Variants in DNAI4 observed in about 807,000 individuals in gnomAD.
The protein encoded by DNAI4 is dynein axonemal intermediate chain 4.
In DNAI4, 85 loss-of-function variants were observed where a neutral mutation model predicts 105.8. The ratio of observed to expected loss-of-function variants is 0.80; its 90% CI spans 0.67 to 0.96. The LOEUF is 0.96. Ranked by LOEUF, DNAI4 falls within the 40% of genes least tolerant of loss-of-function variation. DNAI4 has a pLI of 0.00. For synonymous variants in DNAI4, 352 were observed against 331.5 expected, an observed-to-expected ratio of 1.06 and a Z score of -0.67; for missense variants, 1,014 against 1,005.6, an observed-to-expected ratio of 1.01 and a Z score of -0.11.
At chr1:66,864,732 T>C (rs1447030217) in intron 6 of DNAI4, among the ~76,000 whole-genome samples, 1 of 152,044 alleles carries the variant, frequency 6.6e-6, no homozygotes, top group Non-Finnish European at 1.5e-5. Flanking sequence ...ACCCAGCTAC[T>C]CCGGAGGCTG....
intron 7 of DNAI4, chr1:66,860,989 C>T (rs1272504354): frequency 6.6e-6 from 1 of 152,058 alleles, no homozygotes; most frequent in East Asian, 1.9e-4. Flanking sequence ...CTCTAGTTTA[C>T]ATGACCATAA....
At chr1:66,893,059 G>GAA (rs780472953) in intron 3 of DNAI4, among the ~76,000 whole-genome samples, 170 bp downstream of exon 3, 4 of 56,498 alleles carry the variant, frequency 7.1e-5, no homozygotes, top group South Asian at 5.4e-4. Context: ...AAGAAAGAGA[G>GAA]AGAGAGAAAG....
chr1:66,858,717 T>A (rs144458042), intron 7 of DNAI4, among the ~76,000 whole-genome samples: 1 of 151,994 alleles, frequency 6.6e-6, no homozygotes, highest in East Asian at 1.9e-4. Context: ...GAAAAATACA[T>A]CAATAGACAC....
chr1:66,819,208 T>G (rs1239229707), intron 16 of DNAI4, among the ~76,000 whole-genome samples: 1 of 152,192 alleles, frequency 6.6e-6, no homozygotes, highest in Non-Finnish European at 1.5e-5. Flanking sequence ...TTCCAATTCC[T>G]TATCTTTGCT....
chr1:66,909,511 G>A (rs1053746049), intron 1 of DNAI4, among the ~76,000 whole-genome samples: 7 of 147,902 alleles, frequency 4.7e-5, no homozygotes, highest in East Asian at 2.0e-4. Flanking sequence ...AACTTGGATC[G>A]TAGGACACTC....
intron 4 of DNAI4, among the ~76,000 whole-genome samples, chr1:66,877,892 T>G (rs978965150): frequency 6.6e-6 from 1 of 152,142 alleles, no homozygotes; most frequent in African/African-American, 2.4e-5. Flanking sequence ...ACTACAGAGG[T>G]AAAGTGTCAT....
intron 4 of DNAI4, among the ~76,000 whole-genome samples, chr1:66,887,796 T>A (rs897818138): frequency 6.6e-6 from 1 of 151,840 alleles, no homozygotes; most frequent in Non-Finnish European, 1.5e-5. Context: ...CTGTCTCTAC[T>A]AAAAATACAA....
intron 6 of DNAI4, among the ~76,000 whole-genome samples, chr1:66,867,642 G>A (rs1646760381): frequency 6.6e-6 from 1 of 151,806 alleles, no homozygotes; most frequent in African/African-American, 2.4e-5. Flanking sequence ...TTCTGTGGAG[G>A]GACACGTCAG....
Position 66,874,814 on chromosome 1 carries a change from A to G in DNAI4, c.767T>C (p.Val256Ala). 1.9e-6 allele frequency: 3 copies of G among 1,613,702 alleles called. No individual in the cohort carries two copies. Among genetic ancestry groups the G allele is most frequent in the Non-Finnish European group, 2.5e-6 (3 of 1,179,778 alleles). Residue 256 changes from valine (V) to alanine (A), a missense_variant, in exon 5 of 17, where the codon GTC becomes GCC. Coordinates refer to ENST00000371026, the MANE Select transcript of DNAI4 (RefSeq NM_024763.5). ...CTCAGCTTCTTCAGATTCTACAGAGACCATGACTGTGGGCAAGTCAAAAAA... is the reference window on the plus strand; with the variant it reads ...CTCAGCTTCTTCAGATTCTACAGAGGCCATGACTGTGGGCAAGTCAAAAAA... ...LRFFDLPTVMVSVESEEAEKV... is the reference protein window; with the variant it reads ...LRFFDLPTVMASVESEEAEKV...
chr1:66,838,086 T>C (rs1468776605), intron 9 of DNAI4, among the ~76,000 whole-genome samples: 1 of 152,198 alleles, frequency 6.6e-6, no homozygotes, highest in Non-Finnish European at 1.5e-5. Context: ...GAGATTGTAT[T>C]AATAGGTTAT....
intron 1 of DNAI4, among the ~76,000 whole-genome samples, chr1:66,916,061 G>C (rs1650046111): frequency 6.7e-6 from 1 of 148,714 alleles, no homozygotes; most frequent in South Asian, 2.1e-4. Context: ...GTGGAGAATG[G>C]GCAACAGAGC....
chr1:66,867,595 A>G (rs889371073), intron 6 of DNAI4, among the ~76,000 whole-genome samples: 2 of 152,028 alleles, frequency 1.3e-5, no homozygotes, highest in Admixed American at 6.6e-5. Flanking sequence ...CATGAATGCA[A>G]CAGATTCTGA....
intron 1 of DNAI4, among the ~76,000 whole-genome samples, chr1:66,913,756 G>A (rs924708255): frequency 6.6e-6 from 1 of 152,090 alleles, no homozygotes; most frequent in African/African-American, 2.4e-5. Context: ...GCCGAGGCGG[G>A]CGAATCACGA....
At chr1:66,815,470 G>T (rs775147491) in intron 16 of DNAI4, among the ~76,000 whole-genome samples, 2 of 151,926 alleles carry the variant, frequency 1.3e-5, no homozygotes, top group Non-Finnish European at 2.9e-5. Flanking sequence ...TTACAGATTC[G>T]TGTTTCTAAA....
intron 6 of DNAI4, among the ~76,000 whole-genome samples, chr1:66,869,346 A>C (rs1298565032): frequency 6.6e-6 from 1 of 151,916 alleles, no homozygotes; most frequent in Non-Finnish European, 1.5e-5. Context: ...TTCCATAAAG[A>C]ATCATTCTTT....
chr1:66,883,227 A>G (rs925963655), intron 4 of DNAI4, among the ~76,000 whole-genome samples: 2 of 119,412 alleles, frequency 1.7e-5, no homozygotes, highest in Admixed American at 2.1e-4. Flanking sequence ...TTTTCTATAT[A>G]GACAATGATG....
intron 8 of DNAI4, 121 bp from the exon 9 acceptor site, chr1:66,840,792 T>C: frequency 2.8e-6 from 3 of 1,052,980 alleles, no homozygotes. Context: ...TGCTGGATCA[T>C]ATGGTGCAAG....
chr1:66,893,023 A>G lies in DNAI4; in HGVS notation c.530+206T>C, dbSNP rs1219099251. Among the ~76,000 whole-genome samples the G allele has an allele frequency of 2.8e-5, 4 of 141,546 alleles. 1 individual carries two copies. The highest frequency in any genetic ancestry group is 1.1e-4 in the African/African-American group (4 of 36,450). The allele number at this position is 141,546 out of a possible 152,430, so 92.9% of individuals were successfully genotyped here. On this transcript the variant is annotated intron_variant, in intron 3 of 16. Coordinates refer to ENST00000371026, the MANE Select transcript of DNAI4 (RefSeq NM_024763.5). ...AGAGAAAGAGAGAGAGGAAAGAAAGAAAGAAAGAGAGGAAAGAAAGAAAGA... is the reference window on the plus strand; with the variant it reads ...AGAGAAAGAGAGAGAGGAAAGAAAGGAAGAAAGAGAGGAAAGAAAGAAAGA...
At chr1:66,829,247 T>C (rs1645817789) in intron 13 of DNAI4, among the ~76,000 whole-genome samples, 1 of 152,182 alleles carries the variant, frequency 6.6e-6, no homozygotes, top group Non-Finnish European at 1.5e-5. Flanking sequence ...ATGTAAATGA[T>C]CTTAGCAGCA....
Sources: allele counts gnomAD v4.1 joint callset (sites outside exome capture counted in the v4.1 genomes callset), GRCh38; gene constraint gnomAD v4.1.1; transcripts MANE v1.5; gene names NCBI Gene and HGNC (gene_info 2026-07-23, HGNC 2026-07-21).